PKHD1: variants seen among roughly 807,000 people sequenced by gnomAD.
The protein encoded by PKHD1 is fibrocystin.
In PKHD1, 291 loss-of-function variants were observed where a neutral mutation model predicts 412.0. That is an observed-to-expected ratio of 0.71 (90% CI 0.64 to 0.78). PKHD1 has a LOEUF of 0.78. Ranked by LOEUF, PKHD1 falls within the 30% of genes least tolerant of loss-of-function variation. The pLI, the probability that PKHD1 is intolerant of heterozygous loss-of-function variation, is 0.00. For missense variants in PKHD1, 4,825 were observed against 4,950.7 expected (o/e 0.97, Z 0.76); for synonymous variants, 1,777 against 1,821.5 (o/e 0.98, Z 0.62).
intron 57 of PKHD1, 151 bp from the exon 58 acceptor site, chr6:51,748,816 A>C: frequency 2.7e-6 from 2 of 733,958 alleles, no homozygotes; most frequent in Non-Finnish European, 4.8e-6. Flanking sequence ...ATAGATTCTC[A>C]ACTAAAAATG....
At chr6:52,041,164 T>C (rs1453806727) in intron 27 of PKHD1, among the ~76,000 whole-genome samples, 3 of 152,222 alleles carry the variant, frequency 2.0e-5, no homozygotes, top group Non-Finnish European at 4.4e-5. Flanking sequence ...CTTCTGCAAA[T>C]GGGTAGGTGG....
Position 52,033,105 on chromosome 6 carries a change from G to A in PKHD1, c.3289C>T (p.Pro1097Ser). Reference sequence around the variant, plus strand: ...GAAGAGACATATGTAAATGCTCTGGGAAGAACTGCAGAATAGTCCCCTCTG... The same window carrying A: ...GAAGAGACATATGTAAATGCTCTGGAAAGAACTGCAGAATAGTCCCCTCTG... Reference protein sequence around the residue: ...VIRGDYSAVLPRAFTYVSSLN... With the variant: ...VIRGDYSAVLSRAFTYVSSLN... Residue 1097 changes from proline to serine, a missense_variant, in exon 29 of 67, where the codon CCC becomes TCC. Physicochemically the swap from Pro to Ser is moderately conservative, Grantham distance 74 (BLOSUM62 -1). Transcript: ENST00000371117. The A allele has an allele frequency of 6.2e-7, 1 of 1,610,456 alleles. No individual in the cohort carries two copies. The highest frequency in any genetic ancestry group is 8.5e-7 in the Non-Finnish European group (1 of 1,176,734).
intron 43 of PKHD1, among the ~76,000 whole-genome samples, chr6:51,902,017 CCTT>C (rs1354707833): frequency 6.6e-6 from 1 of 152,180 alleles, no homozygotes; most frequent in Non-Finnish European, 1.5e-5. Context: ...CCAGCTCAAC[CCTT>C]CTTCTTGTCA....
At chr6:51,956,305 C>CGTGTGTGT (rs3062566) in intron 36 of PKHD1, among the ~76,000 whole-genome samples, 2 of 150,220 alleles carry the variant, frequency 1.3e-5, no homozygotes, top group Non-Finnish European at 3.0e-5. Flanking sequence ...CTTATACATA[C>CGTGTGTGT]GTGTGTGTGT....
At chr6:52,026,792 G>A (rs1167887424) in intron 31 of PKHD1, among the ~76,000 whole-genome samples, 2 of 152,036 alleles carry the variant, frequency 1.3e-5, no homozygotes, top group African/African-American at 4.8e-5. Context: ...TAGAATCTTT[G>A]CCTTACTCTC....
intron 64 of PKHD1, among the ~76,000 whole-genome samples, chr6:51,636,025 G>A (rs1354096494): frequency 6.6e-6 from 1 of 152,126 alleles, no homozygotes; most frequent in East Asian, 1.9e-4. Flanking sequence ...GGAAAGGCTA[G>A]CTACGAAGTC....
At chr6:52,053,731 C>A (rs943878825) in intron 20 of PKHD1, among the ~76,000 whole-genome samples, 1 of 152,138 alleles carries the variant, frequency 6.6e-6, no homozygotes, top group Non-Finnish European at 1.5e-5. Context: ...ATCACAAATT[C>A]TTGGGGCCCC....
At chr6:51,690,612 C>G (rs112083190) in intron 60 of PKHD1, among the ~76,000 whole-genome samples, 2 of 152,024 alleles carry the variant, frequency 1.3e-5, no homozygotes, top group Non-Finnish European at 2.9e-5. Context: ...TGGCTAGCAA[C>G]AGGCAGAAGA....
rs1238841792 is a variant in PKHD1 at position 51,951,635 on chromosome 6, T to A, written c.5908+8235A>T. ...TATTTATTAATTTTAAAAATGAGAA[T>A]ACAGTACTTCCTACCTTTACCTGAC... On this transcript the variant is annotated intron_variant, in intron 36 of 66. Coordinates refer to ENST00000371117, the MANE Select transcript of PKHD1 (RefSeq NM_138694.4). Among the ~76,000 whole-genome samples the A allele has an allele frequency of 3.3e-5, 5 of 152,314 alleles. No individual in the cohort carries two copies. In the East Asian group the frequency reaches 9.7e-4, roughly 29 times the overall value.
rs1288700222 is a variant in PKHD1 at position 51,886,985 on chromosome 6, T to C, written c.7109+148A>G. 7 of 692,080 alleles carry C rather than the reference T, an allele frequency of 1.0e-5. No homozygotes were observed. The Admixed American group carries it at 1.2e-4, about 12-fold the overall frequency. 42.9% of individuals were successfully genotyped at this position (692,080 alleles called of 1,614,324 possible). A position where few individuals can be genotyped will look rare whatever the true frequency, so the allele number is the denominator to read the frequency against. On this transcript the variant is annotated intron_variant, in intron 44 of 66. Transcript: ENST00000371117. Reference sequence around the variant, plus strand: ...ATATGGACAGCTTTTTGTATGTCAATTATACCTCAAAAAAGCAGTTTCAGA... The same window carrying C: ...ATATGGACAGCTTTTTGTATGTCAACTATACCTCAAAAAAGCAGTTTCAGA...
At chr6:51,846,993 T>C (rs1218990795) in intron 50 of PKHD1, among the ~76,000 whole-genome samples, 1 of 152,092 alleles carries the variant, frequency 6.6e-6, no homozygotes, top group Non-Finnish European at 1.5e-5. Context: ...GGGGTCTCAA[T>C]CTCTTGCCCA....
intron 63 of PKHD1, among the ~76,000 whole-genome samples, chr6:51,641,233 C>G (rs1326769780): frequency 2.0e-5 from 3 of 152,196 alleles, no homozygotes; most frequent in Admixed American, 6.5e-5. Context: ...AAGACACCCT[C>G]AAACTAGTCC....
intron 48 of PKHD1, among the ~76,000 whole-genome samples, chr6:51,867,556 A>G (rs1449633114): frequency 6.6e-6 from 1 of 152,166 alleles, no homozygotes; most frequent in African/African-American, 2.4e-5. Context: ...TTTAATTTAA[A>G]TATATTTCAA....
At chr6:51,817,069 G>T (rs1279595884) in intron 52 of PKHD1, among the ~76,000 whole-genome samples, 1 of 110,062 alleles carries the variant, frequency 9.1e-6, no homozygotes, top group Non-Finnish European at 2.0e-5. Context: ...AGAGTCATGG[G>T]GCTTCCAGGA....
At chr6:51,823,507 CCA>C (rs1228139981) in intron 52 of PKHD1, among the ~76,000 whole-genome samples, 2 of 152,056 alleles carry the variant, frequency 1.3e-5, no homozygotes, top group Admixed American at 1.3e-4. Context: ...AGTTAGCAAG[CCA>C]TAAAGAGTGT....
chr6:52,047,453 T>C (rs1470880361), intron 23 of PKHD1, among the ~76,000 whole-genome samples: 1 of 152,220 alleles, frequency 6.6e-6, no homozygotes, highest in Admixed American at 6.5e-5. Context: ...TCTCAAGTTC[T>C]ACTGAGCCTT....
At chr6:51,836,657 G>C (rs538529177) in intron 50 of PKHD1, among the ~76,000 whole-genome samples, 188 bp from the exon 51 acceptor site, 1 of 152,238 alleles carries the variant, frequency 6.6e-6, no homozygotes, top group Admixed American at 6.5e-5. Context: ...GCTTTCATTT[G>C]ATTAAATGTA....
chr6:51,988,251 C>T (rs564533989), intron 35 of PKHD1, among the ~76,000 whole-genome samples: 6 of 152,254 alleles, frequency 3.9e-5, no homozygotes, highest in Non-Finnish European at 8.8e-5. Context: ...ATAAGCTATA[C>T]ACTTAAGATC....
chr6:51,631,942 T>TTG (rs1767973929), intron 65 of PKHD1, among the ~76,000 whole-genome samples: 1 of 149,568 alleles, frequency 6.7e-6, no homozygotes, highest in Non-Finnish European at 1.5e-5. Context: ...TTTTTTTCTT[T>TTG]TTTTTTTTTT....
Sources: allele counts gnomAD v4.1 joint callset (sites outside exome capture counted in the v4.1 genomes callset), GRCh38; gene constraint gnomAD v4.1.1; transcripts MANE v1.5; gene names NCBI Gene and HGNC (gene_info 2026-07-23, HGNC 2026-07-21).